Variants in CAMK1D observed in about 807,000 individuals in gnomAD.
CAMK1D encodes the protein calcium/calmodulin dependent protein kinase ID.
In CAMK1D, 9 loss-of-function variants were observed where a neutral mutation model predicts 47.7. The observed-to-expected ratio is 0.19, with a 90% confidence interval of 0.11 to 0.33. The LOEUF is 0.33. Among genes scored for constraint, CAMK1D ranks in the 10% least tolerant of loss-of-function variants. The pLI is 1.00. For synonymous variants in CAMK1D, 184 were observed against 184.9 expected (o/e 0.99, Z 0.04); for missense variants, 291 against 488.7 (o/e 0.60, Z 3.81).
intron 7 of CAMK1D, among the ~76,000 whole-genome samples, chr10:12,815,084 C>T (rs757420591): frequency 1.3e-5 from 2 of 152,084 alleles, no homozygotes; most frequent in South Asian, 2.1e-4. Context: ...ATTTGACAGA[C>T]GAGGAAACCG....
chr10:12,455,330 C>T (rs1004737482), intron 1 of CAMK1D, among the ~76,000 whole-genome samples: 2 of 152,132 alleles, frequency 1.3e-5, no homozygotes, highest in African/African-American at 4.8e-5. Context: ...CACCACCACA[C>T]CCAGCTAATT....
At chr10:12,578,032 TCA>T (rs1837546109) in intron 2 of CAMK1D, among the ~76,000 whole-genome samples, 1 of 152,250 alleles carries the variant, frequency 6.6e-6, no homozygotes, top group African/African-American at 2.4e-5. Flanking sequence ...TCTTACATCC[TCA>T]CAGCAACTCT....
At chr10:12,767,596 G>A (rs180811375) in intron 4 of CAMK1D, among the ~76,000 whole-genome samples, 17 of 152,316 alleles carry the variant, frequency 1.1e-4, no homozygotes, top group African/African-American at 2.9e-4. Context: ...GGTTTTATAC[G>A]TTGTAGGGAG....
At chr10:12,512,488 C>T (rs531310453) in intron 1 of CAMK1D, among the ~76,000 whole-genome samples, 9 of 152,304 alleles carry the variant, frequency 5.9e-5, no homozygotes, top group Admixed American at 3.3e-4. Context: ...CTTCGCCTCC[C>T]GGGTTCAAGC....
intron 2 of CAMK1D, among the ~76,000 whole-genome samples, chr10:12,644,806 TTAA>T (rs1175295278): frequency 6.6e-6 from 1 of 152,212 alleles, no homozygotes. Flanking sequence ...CCATTACAGG[TTAA>T]TATTAATATC....
At chr10:12,368,921 G>A (rs1837929473) in intron 1 of CAMK1D, among the ~76,000 whole-genome samples, 1 of 152,064 alleles carries the variant, frequency 6.6e-6, no homozygotes, top group Non-Finnish European at 1.5e-5. Flanking sequence ...GAGTTCAAGC[G>A]ATTCTCCTGC....
chr10:12,603,177 A>G (rs1838355939), intron 2 of CAMK1D, among the ~76,000 whole-genome samples: 1 of 152,058 alleles, frequency 6.6e-6, no homozygotes, highest in Non-Finnish European at 1.5e-5. Flanking sequence ...CTGGGATTAC[A>G]GGCATGAGCC....
intron 2 of CAMK1D, among the ~76,000 whole-genome samples, chr10:12,632,524 G>A (rs1034056317): frequency 1.3e-5 from 2 of 152,192 alleles, no homozygotes; most frequent in Admixed American, 1.3e-4. Context: ...CAGCATCATT[G>A]TCTGATTTAG....
intron 2 of CAMK1D, among the ~76,000 whole-genome samples, chr10:12,585,944 A>G (rs575430344): frequency 6.6e-6 from 1 of 152,328 alleles, no homozygotes; most frequent in Non-Finnish European, 1.5e-5. Flanking sequence ...GGCATCTGTC[A>G]CAGGTTTTAA....
chr10:12,364,332 T>C (rs1246188252), intron 1 of CAMK1D, among the ~76,000 whole-genome samples: 1 of 148,918 alleles, frequency 6.7e-6, no homozygotes, highest in Non-Finnish European at 1.5e-5. Flanking sequence ...ACCTCCGCCT[T>C]CTGGGTTCAA....
chr10:12,816,872 CAAAA>C (rs71386122), intron 8 of CAMK1D, among the ~76,000 whole-genome samples: 4 of 57,428 alleles, frequency 7.0e-5, no homozygotes, highest in Admixed American at 2.0e-4. Context: ...AACTCTGTCT[CAAAA>C]AAAAAAAAAA....
intron 2 of CAMK1D, among the ~76,000 whole-genome samples, chr10:12,588,559 G>T (rs1160507557): frequency 1.3e-5 from 2 of 151,902 alleles, no homozygotes; most frequent in Admixed American, 1.3e-4. Flanking sequence ...TGGAGCCTTG[G>T]TCTCCAGGAA....
chr10:12,607,705 A>T (rs1426162897), intron 2 of CAMK1D, among the ~76,000 whole-genome samples: 1 of 152,214 alleles, frequency 6.6e-6, no homozygotes, highest in Non-Finnish European at 1.5e-5. Context: ...TCACACTTGT[A>T]ATCCCAGCAC....
chr10:12,734,411 C>T, intron 3 of CAMK1D, among the ~76,000 whole-genome samples: 1 of 10,168 alleles, frequency 9.8e-5, no homozygotes, highest in African/African-American at 1.8e-4. Context: ...TATATACACA[C>T]ACACACACAT....
In CAMK1D at chr10:12,821,400, C is replaced by A. The variant is rs1431594498; in HGVS notation, c.834-3065C>A. ...CGAACCCCCGCTCCCATCTTCTGGG[C>A]TCCAGACACCAGAGCTCCGGTTGGC... On this transcript the variant is annotated intron_variant, in intron 8 of 10. Transcript: ENST00000619168. 3.9e-5 allele frequency among the ~76,000 whole-genome samples: 6 copies of A among 152,218 alleles called. No individual in the cohort carries two copies. The East Asian group carries it at 1.2e-3, about 29-fold the overall frequency.
At chr10:12,751,093 TAA>T (rs1564535457) in intron 3 of CAMK1D, among the ~76,000 whole-genome samples, 2 of 125,200 alleles carry the variant, frequency 1.6e-5, no homozygotes, top group Non-Finnish European at 3.3e-5. Flanking sequence ...TAAGATAAGA[TAA>T]GATAAGATAA....
chr10:12,700,748 T>C, intron 3 of CAMK1D, among the ~76,000 whole-genome samples: 1 of 152,240 alleles, frequency 6.6e-6, no homozygotes, highest in East Asian at 1.9e-4. Context: ...CAGCCTGGAA[T>C]GTGCATGTCC....
At chr10:12,499,776 C>T (rs1834646041) in intron 1 of CAMK1D, among the ~76,000 whole-genome samples, 1 of 152,130 alleles carries the variant, frequency 6.6e-6, no homozygotes, top group Non-Finnish European at 1.5e-5. Flanking sequence ...AGTTAGCAGC[C>T]CCGTTACATA....
chr10:12,488,859 G>A (rs941639116), intron 1 of CAMK1D, among the ~76,000 whole-genome samples: 1 of 152,182 alleles, frequency 6.6e-6, no homozygotes, highest in Non-Finnish European at 1.5e-5. Context: ...GTGATGCGAG[G>A]GATGGGGAGC....
Sources: allele counts gnomAD v4.1 joint callset (sites outside exome capture counted in the v4.1 genomes callset), GRCh38; gene constraint gnomAD v4.1.1; transcripts MANE v1.5; gene names NCBI Gene and HGNC (gene_info 2026-07-23, HGNC 2026-07-21).